Variants in UTS2B observed in about 807,000 individuals in gnomAD.
UTS2B encodes urotensin 2B.
A neutral mutation model predicts 19.2 loss-of-function variants in UTS2B; 21 were observed. That is an observed-to-expected ratio of 1.09 (90% confidence interval 0.78 to 1.58). The LOEUF is 1.58. Among genes scored for constraint, UTS2B ranks in the 40% most tolerant of loss-of-function variants. The pLI is 0.00. For synonymous variants in UTS2B, 57 were observed against 50.2 expected, an observed-to-expected ratio of 1.14 and a Z score of -0.58; for missense variants, 138 against 130.3, an observed-to-expected ratio of 1.06 and a Z score of -0.29.
chr3:191,326,708 G>A (rs9822127), intron 2 of UTS2B, among the ~76,000 whole-genome samples: 1 of 152,222 alleles, frequency 6.6e-6, no homozygotes, highest in African/African-American at 2.4e-5. Flanking sequence ...ACTTGTTACA[G>A]AAATTCACCA....
intron 4 of UTS2B, among the ~76,000 whole-genome samples, chr3:191,298,893 T>C (rs1343649361): frequency 2.6e-5 from 4 of 152,240 alleles, no homozygotes; most frequent in Non-Finnish European, 4.4e-5. Context: ...TATTTGGAAC[T>C]GGAGCAAAGG....
the UTS2B span, among the ~76,000 whole-genome samples, chr3:191,343,330 A>G: frequency 6.6e-6 from 1 of 152,226 alleles, no homozygotes; most frequent in Admixed American, 6.5e-5. Context: ...AATCAAAGTA[A>G]GAGTTCTCTT....
rs1469978896 is a variant in UTS2B at position 191,307,796 on chromosome 3, T to A, written c.-181-3248A>T. Among the ~76,000 whole-genome samples, 9 of 151,834 alleles carry A rather than the reference T, an allele frequency of 5.9e-5. No individual in the cohort carries two copies. In the East Asian group the frequency reaches 1.7e-3, roughly 29 times the overall value. ...TTTGTCAGTCAGCACCTTATGTAGG[T>A]GCTTTTTCTTTTTTCTTTTCTTTTC... On this transcript the variant is annotated intron_variant, in intron 3 of 8. Transcript: ENST00000340524.
intron 4 of UTS2B, among the ~76,000 whole-genome samples, chr3:191,296,034 CT>C (rs1177928220): frequency 2.6e-5 from 4 of 152,214 alleles, no homozygotes; most frequent in Non-Finnish European, 4.4e-5. Context: ...AATCCTTCAA[CT>C]GTTTTCCATT....
intron 1 of UTS2B, chr3:191,329,621 C>G: frequency 6.4e-7 from 1 of 1,574,530 alleles, no homozygotes; most frequent in Non-Finnish European, 8.6e-7. Context: ...CCGCTCGGCG[C>G]CGGCGGTGAC....
Position 191,305,213 on chromosome 3 carries a change from T to C in UTS2B, c.-181-665A>G, listed in dbSNP as rs6795499. ...ATGGGATTGCTGGGTCAAATGGTAT[T>C]TTGTCTTTAGGTCTGTGAGGAATCG... On this transcript the variant is annotated intron_variant, in intron 3 of 8. Coordinates refer to ENST00000340524, the MANE Select transcript of UTS2B (RefSeq NM_198152.5). Among the ~76,000 whole-genome samples, 395 of 152,288 alleles carry C rather than the reference T, an allele frequency of 2.6e-3. 4 individuals are homozygous for C. The highest frequency in any genetic ancestry group is 8.9e-3 in the African/African-American group (369 of 41,564).
At chr3:191,340,847 T>C in the UTS2B span, among the ~76,000 whole-genome samples, 7 of 152,206 alleles carry the variant, frequency 4.6e-5, no homozygotes, top group African/African-American at 1.7e-4. Flanking sequence ...TATTTCTTTT[T>C]CTTCTAGAGA....
At chr3:191,328,877 TAC>T (rs1203119632) in intron 1 of UTS2B, 168 bp from the exon 2 acceptor site, 2 of 152,248 alleles carry the variant, frequency 1.3e-5, no homozygotes, top group Non-Finnish European at 2.9e-5. Context: ...GCTGATTGTG[TAC>T]ACACTCTACT....
intron 1 of UTS2B, among the ~76,000 whole-genome samples, chr3:191,329,943 G>GT (rs200621344): frequency 0.38 from 24,057 of 63,262 alleles, 2,935 homozygotes; most frequent in East Asian, 0.63. Context: ...GGGGGTGGTT[G>GT]GGGGGGGGGG....
chr3:191,291,156 A>T (rs184344192), intron 4 of UTS2B, among the ~76,000 whole-genome samples: 229 of 152,270 alleles, frequency 1.5e-3, no homozygotes, highest in African/African-American at 5.0e-3. Context: ...CTTTTTAAAA[A>T]TTGAGTATTT....
chr3:191,278,821 T>C (rs550800089), intron 5 of UTS2B, among the ~76,000 whole-genome samples: 2 of 152,098 alleles, frequency 1.3e-5, no homozygotes, highest in South Asian at 4.1e-4. Context: ...CTATAAAACA[T>C]GAAGATTCAA....
At chr3:191,269,673 C>T (rs1235791966) in intron 8 of UTS2B, among the ~76,000 whole-genome samples, 1 of 152,106 alleles carries the variant, frequency 6.6e-6, no homozygotes, top group Non-Finnish European at 1.5e-5. Context: ...CCTGGCCAAT[C>T]TTCTTTTTAT....
chr3:191,295,900 A>C (rs1716844124), intron 4 of UTS2B, among the ~76,000 whole-genome samples: 1 of 152,128 alleles, frequency 6.6e-6, no homozygotes, highest in Non-Finnish European at 1.5e-5. Flanking sequence ...GCATCATCTT[A>C]AACACCTGCA....
Position 191,282,324 on chromosome 3 carries a change from G to A in UTS2B, c.-124-11C>T. 1.7e-6 allele frequency: 1 copy of A among 587,388 alleles called. No individual in the cohort carries two copies. 36.4% of individuals were successfully genotyped at this position (587,388 alleles called of 1,614,324 possible). On this transcript the variant is annotated splice_polypyrimidine_tract_variant and intron_variant, in intron 4 of 8. Transcript: ENST00000340524. ...TCAGTTACGAATGATCTAGATGAAG[G>A]AAAAAGAAAGAAAGAAAATAAATCT...
At chr3:191,289,453 AC>A (rs369766118) in intron 4 of UTS2B, among the ~76,000 whole-genome samples, 26,031 of 139,340 alleles carry the variant, frequency 0.19, 2,673 homozygotes, top group Non-Finnish European at 0.23. Flanking sequence ...TAAATAAAAA[AC>A]AAACGAAATT....
chr3:191,324,734 T>C (rs576964388), intron 2 of UTS2B, among the ~76,000 whole-genome samples: 1 of 152,272 alleles, frequency 6.6e-6, no homozygotes, highest in East Asian at 1.9e-4. Flanking sequence ...GCTAATACAA[T>C]GGGGTATAAG....
the UTS2B span, among the ~76,000 whole-genome samples, chr3:191,345,157 A>G: frequency 1.3e-5 from 2 of 152,190 alleles, no homozygotes; most frequent in African/African-American, 2.4e-5. Flanking sequence ...TAATACCTGC[A>G]TCAGCATCTT....
At chr3:191,298,239 A>T (rs943011793) in intron 4 of UTS2B, among the ~76,000 whole-genome samples, 8 of 152,128 alleles carry the variant, frequency 5.3e-5, no homozygotes, top group Non-Finnish European at 8.8e-5. Context: ...TTCCAAAAAA[A>T]ACAGTCACTG....
chr3:191,284,991 T>C (rs1457154760), intron 4 of UTS2B, among the ~76,000 whole-genome samples: 6 of 152,172 alleles, frequency 3.9e-5, no homozygotes, highest in Admixed American at 3.3e-4. Context: ...CTTGAAAGCA[T>C]GAATGTATAA....
Sources: allele counts gnomAD v4.1 joint callset (sites outside exome capture counted in the v4.1 genomes callset), GRCh38; gene constraint gnomAD v4.1.1; transcripts MANE v1.5; gene names NCBI Gene and HGNC (gene_info 2026-07-23, HGNC 2026-07-21).